The following REDIC1 variants were observed in gnomAD, a reference collection of about 807,000 sequenced individuals.
The protein encoded by REDIC1 is HEI10 Interacting Protein 1.
At chr12:39,846,761 T>C in the REDIC1 span, among the ~76,000 whole-genome samples, 18 of 152,266 alleles carry the variant, frequency 1.2e-4, no homozygotes, top group African/African-American at 4.3e-4. Flanking sequence ...CTCACTTAAT[T>C]TGTTTAAGCC....
the REDIC1 span, among the ~76,000 whole-genome samples, chr12:39,664,841 T>C: frequency 6.6e-6 from 1 of 152,236 alleles, no homozygotes; most frequent in Non-Finnish European, 1.5e-5. Flanking sequence ...GATGAGCATT[T>C]TTTCATGTGT....
the REDIC1 span, among the ~76,000 whole-genome samples, chr12:39,752,995 AGATTT>A: frequency 1.3e-5 from 2 of 152,196 alleles, no homozygotes; most frequent in Non-Finnish European, 2.9e-5. Flanking sequence ...CGAGGCCCGC[AGATTT>A]GCATTTGTAA....
the REDIC1 span, among the ~76,000 whole-genome samples, chr12:39,850,085 T>C: frequency 6.6e-6 from 1 of 152,160 alleles, no homozygotes; most frequent in Non-Finnish European, 1.5e-5. Flanking sequence ...TGCAATGTCA[T>C]GTTCCCTGCT....
At chr12:39,763,056 G>A in the REDIC1 span, among the ~76,000 whole-genome samples, 1 of 151,896 alleles carries the variant, frequency 6.6e-6, no homozygotes, top group African/African-American at 2.4e-5. Flanking sequence ...CATATACTTA[G>A]GTCTTCAAAT....
At chr12:39,727,559 T>C in the REDIC1 span, among the ~76,000 whole-genome samples, 1 of 152,030 alleles carries the variant, frequency 6.6e-6, no homozygotes, top group Non-Finnish European at 1.5e-5. Flanking sequence ...TGTAGCCTTG[T>C]AGTATAGTTT....
At chr12:39,877,319 A>G in the REDIC1 span, among the ~76,000 whole-genome samples, 1 of 152,174 alleles carries the variant, frequency 6.6e-6, no homozygotes, top group African/African-American at 2.4e-5. Flanking sequence ...GCAAGAAAGA[A>G]TATGCAGGGG....
chr12:39,875,038 A>G, the REDIC1 span, among the ~76,000 whole-genome samples: 1 of 152,192 alleles, frequency 6.6e-6, no homozygotes. Flanking sequence ...CTTGATTTTC[A>G]TCTTCCTTTC....
At chr12:39,843,424 C>A in the REDIC1 span, among the ~76,000 whole-genome samples, 24 of 151,824 alleles carry the variant, frequency 1.6e-4, no homozygotes, top group African/African-American at 5.6e-4. Flanking sequence ...TTTTATATGG[C>A]CTTTTGCAGA....
At chr12:39,842,634 A>G in the REDIC1 span, among the ~76,000 whole-genome samples, 1 of 152,048 alleles carries the variant, frequency 6.6e-6, no homozygotes, top group Non-Finnish European at 1.5e-5. Context: ...CTGAGATAAA[A>G]TTCATATAAA....
At chr12:39,825,426 C>G in the REDIC1 span, among the ~76,000 whole-genome samples, 1 of 152,210 alleles carries the variant, frequency 6.6e-6, no homozygotes, top group South Asian at 2.1e-4. Context: ...TTGCTGCTCC[C>G]CTATAAGAAG....
At chr12:39,683,377 C>A in the REDIC1 span, 1 of 1,441,482 alleles carries the variant, frequency 6.9e-7, no homozygotes, top group South Asian at 1.2e-5. Context: ...ATAGACTATG[C>A]TAAATTTTTA....
At chr12:39,656,848 C>G in the REDIC1 span, among the ~76,000 whole-genome samples, 3 of 151,960 alleles carry the variant, frequency 2.0e-5, no homozygotes, top group Non-Finnish European at 4.4e-5. Context: ...TAGAAAAAAG[C>G]TTATAGAATA....
chr12:39,707,129 A>G, the REDIC1 span, among the ~76,000 whole-genome samples: 1 of 151,986 alleles, frequency 6.6e-6, no homozygotes, highest in Admixed American at 6.6e-5. Flanking sequence ...CAAGGGATTA[A>G]TATAATGTAT....
the REDIC1 span, among the ~76,000 whole-genome samples, chr12:39,641,490 A>T: frequency 9.9e-5 from 15 of 151,820 alleles, no homozygotes; most frequent in African/African-American, 3.4e-4. Flanking sequence ...AGAGAGAGAG[A>T]GATGGAGAAA....
At chr12:39,690,779 G>A in the REDIC1 span, among the ~76,000 whole-genome samples, 3 of 152,142 alleles carry the variant, frequency 2.0e-5, no homozygotes, top group Admixed American at 1.3e-4. Context: ...GAGAAAAATA[G>A]GAGATGCAGA....
At chr12:39,720,974 A>T in the REDIC1 span, 1 of 1,613,826 alleles carries the variant, frequency 6.2e-7, no homozygotes, top group Middle Eastern at 1.7e-4. Flanking sequence ...TCAGTGAAAA[A>T]TAATACAGAT....
chr12:39,693,143 T>C, the REDIC1 span, among the ~76,000 whole-genome samples: 1 of 152,104 alleles, frequency 6.6e-6, no homozygotes, highest in African/African-American at 2.4e-5. Flanking sequence ...CTATGTATAT[T>C]TTATGTGTCC....
chr12:39,781,862 GA>G, the REDIC1 span, among the ~76,000 whole-genome samples: 27 of 152,188 alleles, frequency 1.8e-4, no homozygotes, highest in African/African-American at 6.0e-4. Context: ...TGGAGGAAGG[GA>G]TTTAGGACAT....
At chr12:39,897,564 C>G in the REDIC1 span, among the ~76,000 whole-genome samples, 1 of 152,164 alleles carries the variant, frequency 6.6e-6, no homozygotes, top group Non-Finnish European at 1.5e-5. Flanking sequence ...TGTTTTTTAT[C>G]TGCTCTGTCC....
Sources: allele counts gnomAD v4.1 joint callset (sites outside exome capture counted in the v4.1 genomes callset), GRCh38; gene constraint gnomAD v4.1.1; transcripts MANE v1.5; gene names NCBI Gene and HGNC (gene_info 2026-07-23, HGNC 2026-07-21).